The following PCBP3 variants were observed in gnomAD, a reference collection of about 807,000 sequenced individuals.
PCBP3 encodes poly(rC)-binding protein 3.
PCBP3 carries 25 observed loss-of-function variants against 52.7 expected under a neutral mutation model. The observed-to-expected ratio is 0.47, with a 90% CI of 0.35 to 0.66. The LOEUF (loss-of-function observed/expected upper bound fraction) is 0.66, where lower values mean the gene tolerates loss of function less well. PCBP3 is among the 30% of genes least tolerant of loss of function. The probability of loss-of-function intolerance (pLI) is 0.01; values close to 1 mark genes in which losing one functional copy is unlikely to be tolerated. For synonymous variants in PCBP3, 162 were observed against 183.0 expected, an observed-to-expected ratio of 0.89 and a Z score of 0.93; for missense variants, 391 against 490.3, an observed-to-expected ratio of 0.80 and a Z score of 1.91.
intron 4 of PCBP3, among the ~76,000 whole-genome samples, chr21:45,842,796 T>C (rs2093725216): frequency 6.6e-6 from 1 of 152,224 alleles, no homozygotes; most frequent in Non-Finnish European, 1.5e-5. Context: ...TGCTTGGTAC[T>C]GCTGGGTGGG....
At position 45,746,672 on chromosome 21, in the gene PCBP3, G is replaced by GGT. The variant is rs201979028; in HGVS notation, c.-161-8743_-161-8742dup. ...TCAGTCCACTGACGTAGCGCCACAT[G>GGT]GTGGTGTCAGCATCGCCGTGTCAGT... On this transcript the variant is annotated intron_variant, in intron 3 of 17. Coordinates refer to ENST00000681687, the MANE Select transcript of PCBP3 (RefSeq NM_001384156.1). Among the ~76,000 whole-genome samples, 99 of 90,210 alleles carry GGT rather than the reference G, an allele frequency of 1.1e-3. 12 individuals are homozygous for GGT. Among genetic ancestry groups the GGT allele is most frequent in the Non-Finnish European group, 1.3e-3 (54 of 41,978 alleles). 59.2% of individuals were successfully genotyped at this position (90,210 alleles called of 152,430 possible).
At chr21:45,662,278 T>G (rs1034166001) in intron 1 of PCBP3, among the ~76,000 whole-genome samples, 3 of 28,476 alleles carry the variant, frequency 1.1e-4, no homozygotes, top group African/African-American at 2.0e-4. Context: ...TAAGTTTTTT[T>G]TTTTTTTTTT....
At chr21:45,765,685 A>G (rs1483473779) in intron 4 of PCBP3, among the ~76,000 whole-genome samples, 3 of 152,024 alleles carry the variant, frequency 2.0e-5, no homozygotes, top group East Asian at 1.9e-4. Context: ...TGCCTCCTGG[A>G]TGGTCCCTAG....
chr21:45,886,970 C>G (rs959091806), intron 5 of PCBP3, among the ~76,000 whole-genome samples: 2 of 152,230 alleles, frequency 1.3e-5, no homozygotes, highest in African/African-American at 4.8e-5. Context: ...TCCGTGGTGC[C>G]TGGTGGAATA....
chr21:45,907,471 C>A lies in PCBP3; in HGVS notation c.340-1884C>A, dbSNP rs141261579. The stretch of plus-strand genomic sequence containing the variant: ...GACTTTCTAGTCTGTCCCCAGATCT[C>A]CAGTTGTTTCATCTTACGTCTGTCT... On this transcript the variant is annotated intron_variant, in intron 9 of 17. Coordinates refer to ENST00000681687, the MANE Select transcript of PCBP3 (RefSeq NM_001384156.1). Among the ~76,000 whole-genome samples, 325 of 152,318 alleles carry A rather than the reference C, an allele frequency of 2.1e-3. 3 individuals are homozygous for A. The highest frequency in any genetic ancestry group is 3.8e-3 in the Non-Finnish European group (257 of 68,024).
chr21:45,889,072 T>C (rs1362313111), intron 5 of PCBP3, among the ~76,000 whole-genome samples: 1 of 152,226 alleles, frequency 6.6e-6, no homozygotes, highest in Admixed American at 6.5e-5. Flanking sequence ...AAAGGAATCT[T>C]TCGTTCTGGC....
chr21:45,765,850 T>C (rs1370597804), intron 4 of PCBP3, among the ~76,000 whole-genome samples: 5 of 152,246 alleles, frequency 3.3e-5, no homozygotes, highest in African/African-American at 9.6e-5. Context: ...GCTTCCTTCA[T>C]GTTCCTGAGA....
At chr21:45,688,725 TC>T (rs1569118464) in intron 2 of PCBP3, among the ~76,000 whole-genome samples, 1 of 151,944 alleles carries the variant, frequency 6.6e-6, no homozygotes, top group African/African-American at 2.4e-5. Flanking sequence ...GCTCAACTGA[TC>T]AGGAGAAGAG....
At chr21:45,915,228 G>C (rs1016461550) in intron 12 of PCBP3, 6 of 152,214 alleles carry the variant, frequency 3.9e-5, no homozygotes, top group African/African-American at 7.2e-5. Flanking sequence ...ACTGGGCCTG[G>C]CTAGCCAGGG....
intron 15 of PCBP3, among the ~76,000 whole-genome samples, 186 bp downstream of exon 15, chr21:45,931,031 T>C (rs571848126): frequency 6.6e-5 from 10 of 152,206 alleles, no homozygotes; most frequent in Admixed American, 5.9e-4. Flanking sequence ...TGGTGGGGCC[T>C]GAGGTGCTCA....
chr21:45,784,462 TCCTACCTCCTAC>T (rs2090938425), intron 4 of PCBP3, among the ~76,000 whole-genome samples: 4 of 150,458 alleles, frequency 2.7e-5, no homozygotes, highest in Middle Eastern at 3.2e-3. Flanking sequence ...ACCTCCTACC[TCCTACCTCCTAC>T]CTCTACCCTC....
At chr21:45,729,806 A>G (rs1037563820) in intron 2 of PCBP3, among the ~76,000 whole-genome samples, 72 of 152,010 alleles carry the variant, frequency 4.7e-4, no homozygotes, top group African/African-American at 1.6e-3. Flanking sequence ...CTATTTATAT[A>G]TTTTTAGAGA....
intron 4 of PCBP3, among the ~76,000 whole-genome samples, chr21:45,772,894 A>G (rs1248184629): frequency 6.6e-6 from 1 of 152,030 alleles, no homozygotes; most frequent in Non-Finnish European, 1.5e-5. Flanking sequence ...AGAAATGTCT[A>G]TTAAGGTCCT....
rs1343279035 is a variant in PCBP3, at chr21:45,917,570, G to T, written c.676-18G>T. 1.3e-6 allele frequency: 2 copies of T among 1,552,562 alleles called. No homozygotes were observed. The highest frequency in any genetic ancestry group is 2.3e-5 in the East Asian group (1 of 43,210). On this transcript the variant is annotated intron_variant, in intron 12 of 17. Transcript: ENST00000681687. This position sits in a 1 kb window ranked among gnomAD's most constrained non-coding sequence, Gnocchi z 5.3. ...TGCAGCCAGGTTGCAGTCTGACGGG[G>T]TCTCTCTCTCTCTCTAGGCCTACAC...
intron 4 of PCBP3, among the ~76,000 whole-genome samples, chr21:45,770,929 G>A (rs2089814749): frequency 6.6e-6 from 1 of 152,260 alleles, no homozygotes; most frequent in Non-Finnish European, 1.5e-5. Context: ...GCCGTCACAT[G>A]GGAGCTTGCG....
chr21:45,648,304 T>C (rs1268440489), intron 1 of PCBP3, among the ~76,000 whole-genome samples: 1 of 152,210 alleles, frequency 6.6e-6, no homozygotes, highest in Non-Finnish European at 1.5e-5. Context: ...GGGAATAACA[T>C]GATTAGATTG....
At chr21:45,897,689 C>G (rs912091640) in intron 6 of PCBP3, among the ~76,000 whole-genome samples, 1 of 152,156 alleles carries the variant, frequency 6.6e-6, no homozygotes, top group Non-Finnish European at 1.5e-5. Flanking sequence ...GTCCTGGAAC[C>G]AGCCACTGCC....
rs573539613 is a variant in PCBP3 at position 45,791,197 on chromosome 21, A to C, written c.-126+35745A>C. 6.6e-6 allele frequency among the ~76,000 whole-genome samples: 1 copy of C among 152,330 alleles called. No individual in the cohort carries two copies. Among genetic ancestry groups the C allele is most frequent in the South Asian group, 2.1e-4 (1 of 4,824 alleles). ...CCAGCGTGGGAAGGGGGAGTTTTGA[A>C]GACAGGAATCGGTATGAGATATGCA... is the stretch of plus-strand genomic sequence containing the variant. On this transcript the variant is annotated intron_variant, in intron 4 of 17. Coordinates refer to ENST00000681687, the MANE Select transcript of PCBP3 (RefSeq NM_001384156.1). The surrounding 1 kb of genome is among the most constrained non-coding windows in gnomAD (Gnocchi z 4.2).
At chr21:45,899,652 T>C in intron 7 of PCBP3, 30 bp downstream of exon 7, 1 of 1,577,790 alleles carries the variant, frequency 6.3e-7, no homozygotes, top group Non-Finnish European at 8.7e-7. Flanking sequence ...CTGCCTCTCC[T>C]GGGGTCTCTG....
Sources: allele counts gnomAD v4.1 joint callset (sites outside exome capture counted in the v4.1 genomes callset), GRCh38; gene constraint gnomAD v4.1.1; non-coding constraint Gnocchi (gnomAD v3.1); transcripts MANE v1.5; gene names NCBI Gene and HGNC (gene_info 2026-07-23, HGNC 2026-07-21).